Variants in SAMMSON observed in about 807,000 individuals in gnomAD.
The protein encoded by SAMMSON is long intergenic non-protein coding RNA 1212.
At chr3:70,005,497 G>A (rs986252696) in intron 1 of SAMMSON, among the ~76,000 whole-genome samples, 10 of 152,170 alleles carry the variant, frequency 6.6e-5, no homozygotes, top group South Asian at 2.1e-4. Flanking sequence ...TTTTTAGAGC[G>A]TGGCATCTGG....
chr3:70,151,861 A>G (rs2106687572), intron 4 of SAMMSON, among the ~76,000 whole-genome samples: 1 of 152,100 alleles, frequency 6.6e-6, no homozygotes, highest in Non-Finnish European at 1.5e-5. Flanking sequence ...TTGTTTCTCA[A>G]TCTCTCTAAA....
chr3:70,095,225 G>A (rs991539216), intron 4 of SAMMSON, among the ~76,000 whole-genome samples: 14 of 152,138 alleles, frequency 9.2e-5, no homozygotes, highest in East Asian at 5.8e-4. Flanking sequence ...AAAACCACAG[G>A]AGGACATATG....
chr3:70,073,171 C>G (rs188835126), intron 4 of SAMMSON, among the ~76,000 whole-genome samples: 1 of 152,096 alleles, frequency 6.6e-6, no homozygotes, highest in African/African-American at 2.4e-5. Flanking sequence ...GAGGCCCATA[C>G]TAATGGCAAC....
intron 4 of SAMMSON, among the ~76,000 whole-genome samples, chr3:70,201,095 A>G (rs903701637): frequency 1.3e-5 from 2 of 151,824 alleles, no homozygotes; most frequent in Non-Finnish European, 2.9e-5. Context: ...CTGGTTTGCT[A>G]CATAGGTAAA....
At chr3:70,012,343 T>G (rs527831876) in intron 1 of SAMMSON, 6 of 151,928 alleles carry the variant, frequency 3.9e-5, no homozygotes, top group Non-Finnish European at 5.9e-5. Flanking sequence ...TTTTTTTTTT[T>G]GTTGATTATC....
At chr3:70,376,079 A>G (rs2058889) in intron 9 of SAMMSON, among the ~76,000 whole-genome samples, 80,548 of 151,950 alleles carry the variant, frequency 0.53, 21,536 homozygotes, top group East Asian at 0.57. Flanking sequence ...TTTATTGAAT[A>G]CCTAGTGTTC....
At position 70,204,295 on chromosome 3, in the gene SAMMSON, G is replaced by A. The variant is rs562038082; in HGVS notation, n.508-44812G>A. Among the ~76,000 whole-genome samples, 26 of 151,982 alleles carry A rather than the reference G, an allele frequency of 1.7e-4. No individual in the cohort carries two copies. The East Asian group carries it at 2.3e-3, about 14-fold the overall frequency. Reference sequence around the variant, plus strand: ...GATATTTCTGTATTTATCTCAGTACGAACAATGACCCCAGCTCTCAATTTC... The same window carrying A: ...GATATTTCTGTATTTATCTCAGTACAAACAATGACCCCAGCTCTCAATTTC... On this transcript the variant is annotated intron_variant and non_coding_transcript_variant, in intron 4 of 9. Transcript: ENST00000642114.
intron 4 of SAMMSON, among the ~76,000 whole-genome samples, chr3:70,073,189 C>T (rs1317523006): frequency 6.6e-6 from 1 of 151,998 alleles, no homozygotes; most frequent in Non-Finnish European, 1.5e-5. Flanking sequence ...AACGGCAAGA[C>T]AGTGCTACAT....
chr3:70,242,723 A>T (rs761105352), intron 4 of SAMMSON, among the ~76,000 whole-genome samples: 1 of 152,222 alleles, frequency 6.6e-6, no homozygotes, highest in Non-Finnish European at 1.5e-5. Flanking sequence ...ACAGTGCATT[A>T]TGTATAATGC....
chr3:70,085,929 G>C (rs1240374199), intron 4 of SAMMSON, among the ~76,000 whole-genome samples: 1 of 152,112 alleles, frequency 6.6e-6, no homozygotes, highest in Non-Finnish European at 1.5e-5. Context: ...TGGCTCTAGG[G>C]CTTCTGTTTC....
chr3:70,269,981 A>G (rs1227285351), intron 6 of SAMMSON, among the ~76,000 whole-genome samples: 1 of 152,234 alleles, frequency 6.6e-6, no homozygotes, highest in Non-Finnish European at 1.5e-5. Flanking sequence ...AAGAGAAGGA[A>G]GGGAAAACAG....
chr3:70,048,616 T>C (rs542032490), intron 3 of SAMMSON, among the ~76,000 whole-genome samples: 1 of 152,224 alleles, frequency 6.6e-6, no homozygotes, highest in East Asian at 1.9e-4. Flanking sequence ...TGATTGCTCA[T>C]GCTAAATTTT....
chr3:70,267,696 G>T (rs1195930325), intron 6 of SAMMSON, among the ~76,000 whole-genome samples: 2 of 151,582 alleles, frequency 1.3e-5, no homozygotes, highest in Non-Finnish European at 2.9e-5. Flanking sequence ...GATTACAGGC[G>T]AGAGCCACCC....
Position 70,144,709 on chromosome 3 carries a change from T to C in SAMMSON, n.507+73144T>C, listed in dbSNP as rs1275716551. Among the ~76,000 whole-genome samples, 4 of 152,138 alleles carry C rather than the reference T, an allele frequency of 2.6e-5. No individual in the cohort carries two copies. In the East Asian group the frequency reaches 7.7e-4, roughly 29 times the overall value. Reference sequence around the variant, plus strand: ...TCATGGGCACAGGTCTTTCCCATGCTGTTCCTGTGATAATGAATGGGTCTC... The same window carrying C: ...TCATGGGCACAGGTCTTTCCCATGCCGTTCCTGTGATAATGAATGGGTCTC... On this transcript the variant is annotated intron_variant and non_coding_transcript_variant, in intron 4 of 9. Transcript: ENST00000642114.
intron 2 of SAMMSON, among the ~76,000 whole-genome samples, chr3:70,409,447 G>C (rs1701201323): frequency 6.7e-6 from 1 of 150,236 alleles, no homozygotes; most frequent in African/African-American, 2.5e-5. Context: ...AAAAGCCTCA[G>C]AAGACAAAGG....
At chr3:70,309,743 G>T (rs1702438863) in intron 7 of SAMMSON, among the ~76,000 whole-genome samples, 1 of 152,148 alleles carries the variant, frequency 6.6e-6, no homozygotes, top group Non-Finnish European at 1.5e-5. Context: ...TTAAGATGTT[G>T]TCATCTAGCA....
In SAMMSON at chr3:70,434,558, G is replaced by A. The variant is rs539519390; in HGVS notation, n.234-28002G>A. On this transcript the variant is annotated intron_variant and non_coding_transcript_variant, in intron 2 of 3. Transcript: ENST00000641053. ...CTATATGTAGACAACTGTGTCATCT[G>A]TGAATAAAGACATTTTTTTTTCCTT... 2.0e-3 allele frequency among the ~76,000 whole-genome samples: 299 copies of A among 148,536 alleles called. 4 individuals are homozygous for A. Among genetic ancestry groups the A allele is most frequent in the African/African-American group, 7.3e-3 (287 of 39,352 alleles).
intron 3 of SAMMSON, among the ~76,000 whole-genome samples, chr3:70,054,488 G>T (rs569615899): frequency 6.6e-6 from 1 of 152,132 alleles, no homozygotes; most frequent in Non-Finnish European, 1.5e-5. Context: ...ATCCTCTCTT[G>T]TTCGGTCCTT....
At chr3:70,191,318 A>C (rs763643777) in intron 4 of SAMMSON, among the ~76,000 whole-genome samples, 2 of 152,240 alleles carry the variant, frequency 1.3e-5, no homozygotes, top group African/African-American at 2.4e-5. Context: ...AGGTCTAAGC[A>C]TCAGAATGCA....
Sources: gnomAD v4.1 joint callset for allele counts (sites outside exome capture counted in the v4.1 genomes callset) on GRCh38, gnomAD v4.1.1 for gene constraint, MANE v1.5 for transcripts, NCBI Gene and HGNC (gene_info 2026-07-23, HGNC 2026-07-21) for gene names.